The following DCAF6 variants were observed in gnomAD, a reference collection of about 807,000 sequenced individuals.
DCAF6 encodes DDB1 and CUL4 associated factor 6, also known as DDB1- and CUL4-associated factor 6.
A neutral mutation model predicts 125.1 loss-of-function variants in DCAF6; 54 were observed. The observed-to-expected ratio is 0.43, with a 90% CI of 0.35 to 0.54. The LOEUF (loss-of-function observed/expected upper bound fraction) is 0.54. Among genes scored for constraint, DCAF6 ranks in the 20% least tolerant of loss-of-function variants. DCAF6 has a pLI of 0.01. For synonymous variants in DCAF6, 371 were observed against 390.4 expected (o/e 0.95, Z 0.58); for missense variants, 934 against 1,161.7 (o/e 0.80, Z 2.85).
At chr1:167,960,251 CTGTCTTAT>C (rs1218406854) in intron 2 of DCAF6, among the ~76,000 whole-genome samples, 2 of 151,748 alleles carry the variant, frequency 1.3e-5, no homozygotes, top group Non-Finnish European at 2.9e-5. Flanking sequence ...CAATACCACA[CTGTCTTAT>C]TTGGTGTAGC....
At chr1:167,973,690 G>T (rs1444086098) in intron 3 of DCAF6, among the ~76,000 whole-genome samples, 2 of 152,022 alleles carry the variant, frequency 1.3e-5, no homozygotes, top group Non-Finnish European at 2.9e-5. Context: ...CCAACTTAGT[G>T]TTGGTGTTTT....
the DCAF6 span, among the ~76,000 whole-genome samples, chr1:167,913,735 G>A: frequency 2.0e-5 from 3 of 151,412 alleles, no homozygotes; most frequent in African/African-American, 7.3e-5. Flanking sequence ...CAGAAAAGAG[G>A]CAAATAAAGA....
At chr1:167,895,774 T>G in the DCAF6 span, among the ~76,000 whole-genome samples, 1 of 152,204 alleles carries the variant, frequency 6.6e-6, no homozygotes, top group South Asian at 2.1e-4. Flanking sequence ...TGATACAGTC[T>G]TCTCACTTGC....
chr1:167,991,105 G>C (rs1393137169), intron 5 of DCAF6, 99 bp from the exon 6 acceptor site: 1 of 1,031,344 alleles, frequency 9.7e-7, no homozygotes, highest in Non-Finnish European at 1.3e-6. Flanking sequence ...TAGGAGTTCT[G>C]AGAATGGTTA....
chr1:167,916,242 T>G, the DCAF6 span, among the ~76,000 whole-genome samples: 1 of 151,906 alleles, frequency 6.6e-6, no homozygotes, highest in East Asian at 1.9e-4. Flanking sequence ...GTTTTGCTCT[T>G]GTCGCCCAGG....
intron 5 of DCAF6, among the ~76,000 whole-genome samples, chr1:167,989,308 G>A (rs1406370232): frequency 6.6e-6 from 1 of 152,156 alleles, no homozygotes; most frequent in Non-Finnish European, 1.5e-5. Flanking sequence ...TAGTGTTTCA[G>A]TGTAGTAAGA....
chr1:167,980,856 G>A (rs998778819), intron 4 of DCAF6, among the ~76,000 whole-genome samples: 11 of 146,064 alleles, frequency 7.5e-5, no homozygotes, highest in African/African-American at 2.5e-4. Context: ...CTGTGATTTT[G>A]TTGTTATATC....
At chr1:168,044,866 A>G in intron 15 of DCAF6, 34 bp from the exon 16 acceptor site, 1 of 1,599,686 alleles carries the variant, frequency 6.3e-7, no homozygotes, top group East Asian at 2.2e-5. Context: ...TGCCCACATT[A>G]CCACCTGTTA....
At chr1:167,982,877 T>A (rs903615457) in intron 4 of DCAF6, among the ~76,000 whole-genome samples, 2 of 152,208 alleles carry the variant, frequency 1.3e-5, no homozygotes, top group African/African-American at 4.8e-5. Flanking sequence ...TTCTTCTACA[T>A]ATGGTTGGCC....
At chr1:167,973,582 C>T (rs1677675774) in intron 3 of DCAF6, among the ~76,000 whole-genome samples, 1 of 152,082 alleles carries the variant, frequency 6.6e-6, no homozygotes, top group East Asian at 1.9e-4. Flanking sequence ...TCCCTAGCAC[C>T]TTAAACATTT....
At chr1:167,913,048 A>G in the DCAF6 span, among the ~76,000 whole-genome samples, 28 of 152,320 alleles carry the variant, frequency 1.8e-4, no homozygotes, top group African/African-American at 6.0e-4. Context: ...GGTTTAATTT[A>G]AGAGCACTTT....
intron 17 of DCAF6, among the ~76,000 whole-genome samples, chr1:168,060,894 T>C (rs146136233): frequency 8.2e-4 from 125 of 152,342 alleles, no homozygotes; most frequent in African/African-American, 2.8e-3. Flanking sequence ...TGAGCTGCCA[T>C]GTAAATTCTT....
chr1:167,902,701 T>C, the DCAF6 span, among the ~76,000 whole-genome samples: 1 of 152,210 alleles, frequency 6.6e-6, no homozygotes, highest in African/African-American at 2.4e-5. Flanking sequence ...ACTAAGGAAC[T>C]CAGAGTCTGA....
chr1:167,868,245 T>G, the DCAF6 span, among the ~76,000 whole-genome samples: 12 of 152,304 alleles, frequency 7.9e-5, no homozygotes, highest in South Asian at 2.5e-3. Context: ...GAAACTGTAA[T>G]AAGAGATCAA....
At chr1:167,880,072 G>A in the DCAF6 span, 6 of 1,549,300 alleles carry the variant, frequency 3.9e-6, no homozygotes, top group South Asian at 1.2e-5. Flanking sequence ...GCAAGGTGCT[G>A]TGTTTGCAGA....
rs1553223844 is a variant in DCAF6 at position 167,985,757 on chromosome 1, TA to T, written c.439-1737del. Among the ~76,000 whole-genome samples, 91 of 152,296 alleles carry T rather than the reference TA, an allele frequency of 6.0e-4. 1 individual carries two copies. Among genetic ancestry groups the T allele is most frequent in the Non-Finnish European group, 2.9e-5 (2 of 68,012 alleles). ...GTTTTCCAAGTAAATTTTTAAAAAG[TA>T]TAAAACACCTACTGAAAAGTGCTGG... On this transcript the variant is annotated intron_variant, in intron 4 of 21. Coordinates refer to ENST00000367840, the MANE Select transcript of DCAF6 (RefSeq NM_001198956.2).
intron 1 of DCAF6, among the ~76,000 whole-genome samples, chr1:167,950,222 T>C (rs756734534): frequency 6.6e-6 from 1 of 152,240 alleles, no homozygotes; most frequent in Non-Finnish European, 1.5e-5. Flanking sequence ...TGCTGTCATA[T>C]TGTTAATTTG....
chr1:167,910,175 G>A, the DCAF6 span, among the ~76,000 whole-genome samples: 8 of 152,234 alleles, frequency 5.3e-5, no homozygotes, highest in East Asian at 1.9e-4. Context: ...TCTGTGGCTC[G>A]TCCTGCTACA....
intron 13 of DCAF6, among the ~76,000 whole-genome samples, chr1:168,041,619 G>A (rs1403046596): frequency 6.6e-6 from 1 of 151,772 alleles, no homozygotes; most frequent in Non-Finnish European, 1.5e-5. Context: ...ACCATTTATT[G>A]AATAATCTTT....
Sources: gnomAD v4.1 joint callset for allele counts (sites outside exome capture counted in the v4.1 genomes callset) on GRCh38, gnomAD v4.1.1 for gene constraint, MANE v1.5 for transcripts, NCBI Gene and HGNC (gene_info 2026-07-23, HGNC 2026-07-21) for gene names.